Variants in LOC400499 observed in about 807,000 individuals in gnomAD.
chr16:11,387,040 G>A, the LOC400499 span: 10 of 1,173,722 alleles, frequency 8.5e-6, no homozygotes, highest in Non-Finnish European at 9.6e-6. Context: ...CTAGCCTATG[G>A]AGGCTTCCCT....
the LOC400499 span, among the ~76,000 whole-genome samples, chr16:11,421,427 A>C: frequency 6.6e-6 from 1 of 151,382 alleles, no homozygotes; most frequent in Non-Finnish European, 1.5e-5. Context: ...TTTGAGACTG[A>C]GTCTTGCTCT....
the LOC400499 span, among the ~76,000 whole-genome samples, chr16:11,393,202 C>G: frequency 6.8e-6 from 1 of 148,010 alleles, no homozygotes; most frequent in African/African-American, 2.5e-5. Context: ...CTATGTTGCC[C>G]AGGCTGGTCC....
chr16:11,385,550 C>G, the LOC400499 span: 2 of 529,946 alleles, frequency 3.8e-6, no homozygotes, highest in Non-Finnish European at 5.8e-6. Context: ...ATTCCCCCTC[C>G]CCTGGCGCAG....
the LOC400499 span, among the ~76,000 whole-genome samples, chr16:11,388,032 C>G: frequency 6.6e-6 from 1 of 152,110 alleles, no homozygotes; most frequent in African/African-American, 2.4e-5. Flanking sequence ...TGTCAGCTCA[C>G]ATGGGGGTAT....
chr16:11,397,080 T>A, the LOC400499 span, among the ~76,000 whole-genome samples: 1 of 152,282 alleles, frequency 6.6e-6, no homozygotes, highest in East Asian at 1.9e-4. Context: ...TCTAGTTTGT[T>A]GTATCGTCCT....
At chr16:11,384,927 T>TG in the LOC400499 span, 2 of 1,232,104 alleles carry the variant, frequency 1.6e-6, no homozygotes, top group South Asian at 8.2e-5. Context: ...CAGAGGCCGG[T>TG]GGGCACGTCA....
At chr16:11,446,591 TG>T in the LOC400499 span, 1 of 1,536,106 alleles carries the variant, frequency 6.5e-7, no homozygotes, top group Non-Finnish European at 8.7e-7. Flanking sequence ...TCTGTGTTCC[TG>T]GGGATGACTT....
At chr16:11,470,419 G>A in the LOC400499 span, among the ~76,000 whole-genome samples, 2 of 152,282 alleles carry the variant, frequency 1.3e-5, no homozygotes, top group South Asian at 4.1e-4. Flanking sequence ...AACTTCACCT[G>A]AAATTGCACA....
chr16:11,446,418 G>A, the LOC400499 span: 1 of 796,764 alleles, frequency 1.3e-6, no homozygotes, highest in Non-Finnish European at 2.0e-6. Context: ...TCAGCCTCCT[G>A]CGTAGCTAAG....
the LOC400499 span, chr16:11,443,559 A>C: frequency 3.1e-6 from 1 of 322,374 alleles, no homozygotes; most frequent in African/African-American, 2.2e-5. Flanking sequence ...TGCTTGCTGA[A>C]AAATACGATG....
At chr16:11,452,193 G>C in the LOC400499 span, among the ~76,000 whole-genome samples, 17 of 116,220 alleles carry the variant, frequency 1.5e-4, no homozygotes, top group African/African-American at 4.0e-4. Flanking sequence ...TGGTTGCTCA[G>C]TTTTTTTGTT....
the LOC400499 span, among the ~76,000 whole-genome samples, chr16:11,502,952 C>T: frequency 8.3e-6 from 1 of 121,208 alleles, no homozygotes; most frequent in African/African-American, 3.2e-5. Flanking sequence ...GACAGGATCT[C>T]CCTCTGTCTC....
the LOC400499 span, chr16:11,439,477 C>G: frequency 6.0e-5 from 24 of 398,888 alleles, no homozygotes; most frequent in Non-Finnish European, 1.0e-4. Flanking sequence ...TCCAAGGGAG[C>G]AACGTCCACA....
the LOC400499 span, among the ~76,000 whole-genome samples, chr16:11,492,412 A>G: frequency 7.3e-5 from 11 of 151,586 alleles, no homozygotes; most frequent in Non-Finnish European, 1.6e-4. Context: ...AACAAGACCA[A>G]CTCAGCCCCT....
chr16:11,414,618 C>T, the LOC400499 span: 3 of 398,706 alleles, frequency 7.5e-6, no homozygotes, highest in East Asian at 3.6e-5. Flanking sequence ...TCAAACACAA[C>T]ACCAGCAGGA....
the LOC400499 span, among the ~76,000 whole-genome samples, chr16:11,386,046 G>A: frequency 1.3e-5 from 2 of 152,148 alleles, no homozygotes; most frequent in Non-Finnish European, 2.9e-5. Flanking sequence ...AAAAAAAAAT[G>A]TCACACATAC....
At chr16:11,500,365 G>T in the LOC400499 span, among the ~76,000 whole-genome samples, 279 of 152,158 alleles carry the variant, frequency 1.8e-3, no homozygotes, top group African/African-American at 6.3e-3. Context: ...ACAAAACTTA[G>T]CCAGGTGGGG....
At chr16:11,513,384 C>G in the LOC400499 span, among the ~76,000 whole-genome samples, 1 of 119,658 alleles carries the variant, frequency 8.4e-6, no homozygotes, top group Non-Finnish European at 1.7e-5. Flanking sequence ...CCAGCCTGGG[C>G]AACAGAACGA....
the LOC400499 span, among the ~76,000 whole-genome samples, chr16:11,386,365 G>T: frequency 3.9e-5 from 6 of 152,368 alleles, no homozygotes; most frequent in African/African-American, 7.2e-5. Flanking sequence ...GTGGGCAGCT[G>T]TCAGAACTGA....
Sources: allele counts gnomAD v4.1 joint callset (sites outside exome capture counted in the v4.1 genomes callset), GRCh38; gene constraint gnomAD v4.1.1; transcripts MANE v1.5.